NKAIN2: variants seen among roughly 807,000 people sequenced by gnomAD.
NKAIN2 encodes sodium/potassium-transporting ATPase subunit beta-1-interacting protein 2.
Under a neutral mutation model 32.6 loss-of-function variants are expected in NKAIN2, and 14 were observed. The ratio of observed to expected loss-of-function variants is 0.43; its 90% CI spans 0.28 to 0.67. The LOEUF (loss-of-function observed/expected upper bound fraction) is 0.67, where lower values mean the gene tolerates loss of function less well. Ranked by LOEUF, NKAIN2 falls within the 30% of genes least tolerant of loss-of-function variation. NKAIN2 has a pLI of 0.17. For missense variants in NKAIN2, 198 were observed against 258.3 expected (o/e 0.77, Z 1.60); for synonymous variants, 80 against 87.2 (o/e 0.92, Z 0.46).
chr6:124,457,770 C>A (rs151258736), intron 3 of NKAIN2, among the ~76,000 whole-genome samples: 1 of 152,012 alleles, frequency 6.6e-6, no homozygotes, highest in African/African-American at 2.4e-5. Context: ...ACTTCCATTG[C>A]CAGGTGCCAA....
intron 1 of NKAIN2, among the ~76,000 whole-genome samples, chr6:124,221,469 G>A (rs572828380): frequency 1.6e-4 from 25 of 151,720 alleles, no homozygotes; most frequent in African/African-American, 6.0e-4. Context: ...TGACAAGTTA[G>A]TGGGTGCAGC....
At chr6:124,386,112 GAGCCA>G (rs1258972990) in intron 3 of NKAIN2, among the ~76,000 whole-genome samples, 2 of 152,050 alleles carry the variant, frequency 1.3e-5, no homozygotes, top group Non-Finnish European at 2.9e-5. Context: ...AAGTCAGAAG[GAGCCA>G]AGTCGGGACT....
intron 3 of NKAIN2, among the ~76,000 whole-genome samples, chr6:124,381,052 A>G (rs565797664): frequency 4.6e-5 from 7 of 152,312 alleles, no homozygotes; most frequent in South Asian, 4.1e-4. Flanking sequence ...ATATTTCCCT[A>G]TAAGACCAGA....
At position 123,934,136 on chromosome 6, in the gene NKAIN2, C is replaced by T. The variant is rs1776393680; in HGVS notation, c.54+129882C>T. The stretch of plus-strand genomic sequence containing the variant: ...ACAACTTCACAAGTGATTTTATGAG[C>T]TGATATAAAAGTCTGTAATCTCTTA... On this transcript the variant is annotated intron_variant, in intron 1 of 6. Coordinates refer to ENST00000368417, the MANE Select transcript of NKAIN2 (RefSeq NM_001040214.3). 2.0e-5 allele frequency among the ~76,000 whole-genome samples: 3 copies of T among 152,260 alleles called. No homozygotes were observed. The South Asian group carries it at 6.2e-4, about 32-fold the overall frequency.
At chr6:124,654,691 G>A (rs1784477577) in intron 3 of NKAIN2, among the ~76,000 whole-genome samples, 1 of 152,114 alleles carries the variant, frequency 6.6e-6, no homozygotes, top group African/African-American at 2.4e-5. Context: ...CAATACAACT[G>A]GAGGCCTTAT....
At chr6:124,556,600 C>T (rs1385605143) in intron 3 of NKAIN2, among the ~76,000 whole-genome samples, 2 of 152,048 alleles carry the variant, frequency 1.3e-5, no homozygotes. Flanking sequence ...ACTTCCCAGC[C>T]CCTAGAAACA....
At chr6:124,585,639 AT>A (rs1781686472) in intron 3 of NKAIN2, among the ~76,000 whole-genome samples, 1 of 152,296 alleles carries the variant, frequency 6.6e-6, no homozygotes, top group African/African-American at 2.4e-5. Context: ...CTGATCAGAC[AT>A]TTTTTCAAGG....
intron 2 of NKAIN2, among the ~76,000 whole-genome samples, chr6:124,302,201 C>T (rs1328681844): frequency 6.6e-6 from 1 of 152,162 alleles, no homozygotes; most frequent in Non-Finnish European, 1.5e-5. Context: ...TGACTTTGCT[C>T]CTCCTTCACC....
At chr6:124,051,609 G>A (rs1329671918) in intron 1 of NKAIN2, among the ~76,000 whole-genome samples, 3 of 152,018 alleles carry the variant, frequency 2.0e-5, no homozygotes, top group South Asian at 4.1e-4. Context: ...GGGGTGTGAT[G>A]TTCCCCTTCC....
chr6:124,612,342 C>T (rs749699770), intron 3 of NKAIN2, among the ~76,000 whole-genome samples: 8 of 152,040 alleles, frequency 5.3e-5, no homozygotes, highest in Non-Finnish European at 7.4e-5. Flanking sequence ...ATTTGTGATA[C>T]AGCACCAATT....
chr6:124,343,913 A>T (rs186431517), intron 2 of NKAIN2, among the ~76,000 whole-genome samples: 54 of 142,300 alleles, frequency 3.8e-4, no homozygotes, highest in African/African-American at 1.3e-3. Context: ...GCACATGCCT[A>T]TGTCCTGAAT....
intron 1 of NKAIN2, among the ~76,000 whole-genome samples, chr6:124,200,855 A>T (rs1022112579): frequency 6.6e-6 from 1 of 152,056 alleles, no homozygotes; most frequent in Non-Finnish European, 1.5e-5. Flanking sequence ...TTTGTATAGT[A>T]GGGGGTAAAA....
intron 3 of NKAIN2, among the ~76,000 whole-genome samples, chr6:124,371,323 C>T (rs917232045): frequency 1.3e-5 from 2 of 151,840 alleles, no homozygotes; most frequent in Admixed American, 1.3e-4. Context: ...TGTTTCCCTA[C>T]AATCTTGTAA....
chr6:124,662,255 C>G (rs1156650492), intron 4 of NKAIN2, among the ~76,000 whole-genome samples: 1 of 152,028 alleles, frequency 6.6e-6, no homozygotes, highest in Non-Finnish European at 1.5e-5. Flanking sequence ...GTGATAAAAA[C>G]AATGAACAGG....
chr6:124,693,219 T>C (rs1774343705), intron 4 of NKAIN2, among the ~76,000 whole-genome samples: 2 of 152,212 alleles, frequency 1.3e-5, no homozygotes. Flanking sequence ...ACTGTTTTTT[T>C]CTGTATGTTT....
intron 2 of NKAIN2, among the ~76,000 whole-genome samples, chr6:124,302,543 C>T (rs1205343649): frequency 2.0e-5 from 3 of 151,944 alleles, no homozygotes. Flanking sequence ...GGAGGATGGT[C>T]ATTTTATTTA....
rs370484457 is a variant in NKAIN2 at position 124,263,721 on chromosome 6, A to AGTTTGTTTGTTTG, written c.55-19284_55-19283insGTTTGTTTGTTTG. Reference sequence around the variant, plus strand: ...CTATAAATGTTTGTTTGTTTGTTTAATTTAAACAGCACGTGACAACACCAT... The same window carrying AGTTTGTTTGTTTG: ...CTATAAATGTTTGTTTGTTTGTTTAAGTTTGTTTGTTTGTTTAAACAGCACGTGACAACACCAT... On this transcript the variant is annotated intron_variant, in intron 1 of 6. Coordinates refer to ENST00000368417, the MANE Select transcript of NKAIN2 (RefSeq NM_001040214.3). Among the ~76,000 whole-genome samples, 845 of 152,090 alleles carry AGTTTGTTTGTTTG rather than the reference A, an allele frequency of 5.6e-3. 9 individuals carry two copies. Among genetic ancestry groups the AGTTTGTTTGTTTG allele is most frequent in the African/African-American group, 0.019 (773 of 41,474 alleles).
intron 1 of NKAIN2, among the ~76,000 whole-genome samples, chr6:124,045,519 T>C (rs1326842796): frequency 6.6e-6 from 1 of 152,046 alleles, no homozygotes; most frequent in Non-Finnish European, 1.5e-5. Context: ...GCAGTTTGTC[T>C]TCTCTTGTTT....
chr6:123,808,677 T>C (rs1773324986), intron 1 of NKAIN2, among the ~76,000 whole-genome samples: 5 of 152,178 alleles, frequency 3.3e-5, no homozygotes, highest in Admixed American at 3.3e-4. Flanking sequence ...AAATAAAGGC[T>C]TGGATGGGCA....
Sources: gnomAD v4.1 joint callset for allele counts (sites outside exome capture counted in the v4.1 genomes callset) on GRCh38, gnomAD v4.1.1 for gene constraint, MANE v1.5 for transcripts, NCBI Gene and HGNC (gene_info 2026-07-23, HGNC 2026-07-21) for gene names.